SAMMSON: variants seen among roughly 807,000 people sequenced by gnomAD.
SAMMSON encodes the protein long intergenic non-protein coding RNA 1212.
chr3:70,193,275 A>G (rs890789263), intron 4 of SAMMSON, among the ~76,000 whole-genome samples: 15 of 152,244 alleles, frequency 9.9e-5, no homozygotes, highest in African/African-American at 3.6e-4. Flanking sequence ...GCCCCAAAAT[A>G]TAATTTTAGT....
At chr3:70,168,381 T>C (rs1017433142) in intron 4 of SAMMSON, among the ~76,000 whole-genome samples, 3 of 151,972 alleles carry the variant, frequency 2.0e-5, no homozygotes, top group Non-Finnish European at 4.4e-5. Context: ...AGGTCAGTAG[T>C]GGCGCCTTTT....
intron 4 of SAMMSON, among the ~76,000 whole-genome samples, chr3:70,231,341 C>T (rs1455349008): frequency 1.3e-5 from 2 of 152,168 alleles, no homozygotes; most frequent in African/African-American, 2.4e-5. Context: ...ACAAGCAGCC[C>T]GCCATCTCTC....
At chr3:70,040,190 G>C (rs962472928) in intron 3 of SAMMSON, among the ~76,000 whole-genome samples, 1 of 152,118 alleles carries the variant, frequency 6.6e-6, no homozygotes, top group Non-Finnish European at 1.5e-5. Context: ...AAGATGTGTT[G>C]TGAAGATTAA....
intron 2 of SAMMSON, among the ~76,000 whole-genome samples, chr3:70,429,519 T>C (rs1204280505): frequency 1.3e-5 from 2 of 152,214 alleles, no homozygotes; most frequent in African/African-American, 2.4e-5. Flanking sequence ...CAGTGGTAGC[T>C]TGATGGGGAT....
intron 2 of SAMMSON, among the ~76,000 whole-genome samples, chr3:70,397,601 A>T (rs544579135): frequency 6.6e-6 from 1 of 152,304 alleles, no homozygotes; most frequent in Admixed American, 6.5e-5. Context: ...GTGATTTCGG[A>T]TTAACAATAT....
At chr3:70,143,476 G>A (rs1248733038) in intron 4 of SAMMSON, among the ~76,000 whole-genome samples, 1 of 152,050 alleles carries the variant, frequency 6.6e-6, no homozygotes, top group East Asian at 1.9e-4. Context: ...GCTTTCAGTT[G>A]TCTGGCCATC....
intron 7 of SAMMSON, among the ~76,000 whole-genome samples, chr3:70,322,714 CT>C (rs1280566266): frequency 1.3e-5 from 2 of 152,122 alleles, no homozygotes; most frequent in East Asian, 3.9e-4. Context: ...CAAATGATGT[CT>C]TTGTATCCTT....
At chr3:70,411,063 C>A (rs1349455863) in intron 2 of SAMMSON, among the ~76,000 whole-genome samples, 1 of 152,130 alleles carries the variant, frequency 6.6e-6, no homozygotes, top group East Asian at 1.9e-4. Context: ...TACCCCTACC[C>A]CGCGCAATTA....
intron 9 of SAMMSON, among the ~76,000 whole-genome samples, chr3:70,386,701 C>T (rs1224359133): frequency 6.6e-6 from 1 of 151,892 alleles, no homozygotes; most frequent in East Asian, 1.9e-4. Flanking sequence ...TGCTAATTTC[C>T]CTTATAAAGT....
intron 4 of SAMMSON, among the ~76,000 whole-genome samples, chr3:70,211,054 A>G (rs960611427): frequency 6.6e-6 from 1 of 152,094 alleles, no homozygotes; most frequent in Non-Finnish European, 1.5e-5. Flanking sequence ...TGACTTTGTA[A>G]TTTTTGCATC....
intron 9 of SAMMSON, among the ~76,000 whole-genome samples, chr3:70,369,083 A>T (rs1287785260): frequency 1.3e-5 from 2 of 151,514 alleles, no homozygotes; most frequent in East Asian, 3.8e-4. Flanking sequence ...TTTATACCTC[A>T]GTATTTTATT....
At chr3:70,342,887 A>G (rs1702722270) in intron 7 of SAMMSON, among the ~76,000 whole-genome samples, 1 of 152,150 alleles carries the variant, frequency 6.6e-6, no homozygotes, top group South Asian at 2.1e-4. Flanking sequence ...AAGAGTAAAG[A>G]GGTGGCTTGT....
intron 9 of SAMMSON, among the ~76,000 whole-genome samples, chr3:70,382,987 G>A (rs567694113): frequency 6.6e-6 from 1 of 152,160 alleles, no homozygotes; most frequent in East Asian, 1.9e-4. Flanking sequence ...TTACTTCTGA[G>A]TAAATGAAAA....
At chr3:70,011,135 G>A (rs946915616) in intron 1 of SAMMSON, among the ~76,000 whole-genome samples, 2 of 151,958 alleles carry the variant, frequency 1.3e-5, no homozygotes, top group Non-Finnish European at 2.9e-5. Context: ...TTTAATTACT[G>A]TAGATACATA....
intron 9 of SAMMSON, among the ~76,000 whole-genome samples, chr3:70,361,788 C>T (rs963081859): frequency 2.0e-5 from 3 of 152,128 alleles, no homozygotes; most frequent in South Asian, 4.1e-4. Context: ...AACATGAACT[C>T]GGCTGCAGGC....
chr3:70,156,378 G>GA (rs1240459925), intron 4 of SAMMSON, among the ~76,000 whole-genome samples: 1 of 152,032 alleles, frequency 6.6e-6, no homozygotes, highest in African/African-American at 2.4e-5. Context: ...GTGTATATTT[G>GA]AAAGTCTCTC....
intron 7 of SAMMSON, among the ~76,000 whole-genome samples, chr3:70,292,209 A>G (rs1702245416): frequency 6.6e-6 from 1 of 152,194 alleles, no homozygotes; most frequent in Admixed American, 6.5e-5. Flanking sequence ...TGGAGATAAT[A>G]ATACCACATA....
At chr3:70,417,475 G>T (rs917288708) in intron 2 of SAMMSON, among the ~76,000 whole-genome samples, 2 of 152,048 alleles carry the variant, frequency 1.3e-5, no homozygotes, top group African/African-American at 4.8e-5. Flanking sequence ...AGATTCTTCA[G>T]GACTTTTTGG....
chr3:70,144,650 T>C (rs2067540736), intron 4 of SAMMSON, among the ~76,000 whole-genome samples: 1 of 152,156 alleles, frequency 6.6e-6, no homozygotes, highest in South Asian at 2.1e-4. Flanking sequence ...AATTCCCATA[T>C]GTTGTGGGAG....
Sources: allele counts gnomAD v4.1 joint callset (sites outside exome capture counted in the v4.1 genomes callset), GRCh38; gene constraint gnomAD v4.1.1; transcripts MANE v1.5; gene names NCBI Gene and HGNC (gene_info 2026-07-23, HGNC 2026-07-21).